Variants in RIMS2 observed in about 807,000 individuals in gnomAD.
RIMS2 encodes regulating synaptic membrane exocytosis protein 2.
RIMS2 carries 59 observed loss-of-function variants against 174.4 expected under a neutral mutation model. The ratio of observed to expected loss-of-function variants is 0.34; its 90% CI spans 0.27 to 0.42. The LOEUF (loss-of-function observed/expected upper bound fraction) is 0.42, where lower values mean the gene tolerates loss of function less well. Among genes scored for constraint, RIMS2 ranks in the 10% least tolerant of loss-of-function variants. The pLI is 1.00. For missense variants in RIMS2, 1,620 were observed against 1,666.3 expected (o/e 0.97, Z 0.48); for synonymous variants, 606 against 572.5 (o/e 1.06, Z -0.84).
chr8:104,223,429 A>C, intron 19 of RIMS2: 2 of 1,302,554 alleles, frequency 1.5e-6, no homozygotes, highest in East Asian at 3.2e-5. Flanking sequence ...CACCGCCTCC[A>C]TCTCCTCCTC....
intron 19 of RIMS2, among the ~76,000 whole-genome samples, chr8:104,027,236 T>C (rs1330515181): frequency 6.6e-6 from 1 of 152,164 alleles, no homozygotes; most frequent in Non-Finnish European, 1.5e-5. Flanking sequence ...CACTTAAGAT[T>C]TCCTCTCCCC....
At chr8:103,625,943 A>T (rs1048853091) in intron 1 of RIMS2, among the ~76,000 whole-genome samples, 2 of 151,804 alleles carry the variant, frequency 1.3e-5, no homozygotes, top group Admixed American at 6.6e-5. Context: ...AATTGTTCAT[A>T]TATTTATCTT....
intron 3 of RIMS2, among the ~76,000 whole-genome samples, chr8:103,792,210 T>C (rs1057492076): frequency 1.3e-5 from 2 of 152,136 alleles, no homozygotes; most frequent in African/African-American, 2.4e-5. Flanking sequence ...ACAGAAATTA[T>C]AACAAACTGT....
chr8:103,946,064 G>A (rs1007877719), intron 14 of RIMS2, among the ~76,000 whole-genome samples: 7 of 152,262 alleles, frequency 4.6e-5, no homozygotes, highest in Admixed American at 4.6e-4. Flanking sequence ...CACAGATGAC[G>A]TGATTCTATA....
chr8:104,168,302 G>T (rs1406999137), intron 19 of RIMS2, among the ~76,000 whole-genome samples: 1 of 152,032 alleles, frequency 6.6e-6, no homozygotes, highest in Non-Finnish European at 1.5e-5. Flanking sequence ...ATGAGCATGG[G>T]TTGTGTTTCC....
chr8:103,942,445 A>G (rs1406263659), intron 13 of RIMS2, among the ~76,000 whole-genome samples: 1 of 152,168 alleles, frequency 6.6e-6, no homozygotes, highest in Non-Finnish European at 1.5e-5. Flanking sequence ...AAATTCTAAA[A>G]TGATATACAA....
chr8:103,914,998 T>C (rs76795337), intron 6 of RIMS2, among the ~76,000 whole-genome samples: 9,628 of 152,170 alleles, frequency 0.063, 324 homozygotes, highest in Non-Finnish European at 0.071. Flanking sequence ...TGCGATTACG[T>C]AAATTTTGTA....
chr8:104,242,368 A>G (rs1005614864), intron 19 of RIMS2, among the ~76,000 whole-genome samples: 1 of 152,080 alleles, frequency 6.6e-6, no homozygotes, highest in African/African-American at 2.4e-5. Context: ...AAAAATAACA[A>G]TTTTCTAATC....
chr8:103,758,194 T>A (rs536231574), intron 2 of RIMS2, among the ~76,000 whole-genome samples: 7 of 152,290 alleles, frequency 4.6e-5, no homozygotes, highest in Admixed American at 3.9e-4. Context: ...TCCTTCCTCT[T>A]TCCTCTGAAC....
chr8:103,664,427 A>T (rs764840430), intron 1 of RIMS2, among the ~76,000 whole-genome samples: 3 of 152,232 alleles, frequency 2.0e-5, no homozygotes, highest in Non-Finnish European at 4.4e-5. Flanking sequence ...AAACAGATTT[A>T]CAAGAAAAAA....
At chr8:103,727,413 G>A (rs2097539115) in intron 2 of RIMS2, among the ~76,000 whole-genome samples, 1 of 151,758 alleles carries the variant, frequency 6.6e-6, no homozygotes. Flanking sequence ...CAATTCTGTG[G>A]GTTGTCTCTT....
At chr8:103,915,437 C>T in intron 6 of RIMS2, 58 bp from the exon 10 acceptor site, 1 of 1,013,410 alleles carries the variant, frequency 9.9e-7, no homozygotes, top group East Asian at 2.5e-5. Flanking sequence ...TTACCTGAAT[C>T]TTCAACCATG....
At chr8:104,112,444 A>G (rs977747736) in intron 19 of RIMS2, among the ~76,000 whole-genome samples, 1 of 152,114 alleles carries the variant, frequency 6.6e-6, no homozygotes, top group Non-Finnish European at 1.5e-5. Flanking sequence ...ATTTCTATAT[A>G]ATACCTACAT....
chr8:103,504,940 C>T (rs1218311267), intron 1 of RIMS2, among the ~76,000 whole-genome samples: 4 of 149,036 alleles, frequency 2.7e-5, no homozygotes, highest in Non-Finnish European at 4.4e-5. Flanking sequence ...CAGCCACGAC[C>T]TCCTGGGCTC....
At chr8:104,151,608 G>T (rs1333648791) in intron 19 of RIMS2, among the ~76,000 whole-genome samples, 1 of 151,936 alleles carries the variant, frequency 6.6e-6, no homozygotes, top group East Asian at 1.9e-4. Context: ...AGATGTTGGG[G>T]AAAGAGGAAG....
intron 19 of RIMS2, among the ~76,000 whole-genome samples, chr8:104,165,459 A>G (rs553845233): frequency 6.6e-6 from 1 of 152,222 alleles, no homozygotes. Flanking sequence ...GAAAAATTGT[A>G]AAATGTCATA....
chr8:103,663,823 C>A (rs1174430350), intron 1 of RIMS2, among the ~76,000 whole-genome samples: 1 of 152,112 alleles, frequency 6.6e-6, no homozygotes, highest in Non-Finnish European at 1.5e-5. Context: ...CCCGCATAGC[C>A]AAGACAGTCC....
At chr8:103,789,160 C>T (rs951332311) in intron 3 of RIMS2, among the ~76,000 whole-genome samples, 4 of 152,252 alleles carry the variant, frequency 2.6e-5, no homozygotes, top group East Asian at 1.9e-4. Context: ...CACTGACCTG[C>T]GCCCACTGTC....
Position 104,107,141 on chromosome 8 carries a change from C to G in RIMS2, c.3334+92526C>G, listed in dbSNP as rs527570650. ...TTCAACCCTTTGCACTTCTCCTTGA[C>G]CCTTCTCTTTCCAGGATCTTGTCTT... On this transcript the variant is annotated intron_variant, in intron 19 of 23. Coordinates refer to ENST00000504942, the Ensembl canonical transcript of RIMS2. Among the ~76,000 whole-genome samples, 428 of 152,186 alleles carry G rather than the reference C, an allele frequency of 2.8e-3. 3 individuals carry two copies. Among genetic ancestry groups the G allele is most frequent in the African/African-American group, 9.3e-3 (387 of 41,544 alleles).
Sources: gnomAD v4.1 joint callset for allele counts (sites outside exome capture counted in the v4.1 genomes callset) on GRCh38, gnomAD v4.1.1 for gene constraint, MANE v1.5 for transcripts, NCBI Gene and HGNC (gene_info 2026-07-23, HGNC 2026-07-21) for gene names.